Variants in KIFC2 observed in about 807,000 individuals in gnomAD.
KIFC2 encodes kinesin family member C2.
In KIFC2, 94 loss-of-function variants were observed where a neutral mutation model predicts 91.5. That is an observed-to-expected ratio of 1.03 (90% CI 0.87 to 1.22). The LOEUF (loss-of-function observed/expected upper bound fraction) is 1.22, where lower values mean the gene tolerates loss of function less well. Ranked by LOEUF, KIFC2 falls within the 50% of genes most tolerant of loss-of-function variation. The probability of loss-of-function intolerance (pLI) is 0.00; values close to 1 mark genes in which losing one functional copy is unlikely to be tolerated. For missense variants in KIFC2, 1,357 were observed against 1,103.3 expected, an observed-to-expected ratio of 1.23 and a Z score of -3.26; for synonymous variants, 729 against 503.9, an observed-to-expected ratio of 1.45 and a Z score of -5.98.
rs200246760 is a variant in KIFC2 at position 144,467,420 on chromosome 8, G to A, written c.470-65G>A. ...AGAACCTGGGCGGCCTGGAGTTCGGGGTCATGTTCCGGAAGATTTGGACTA... is the reference window on the plus strand; with the variant it reads ...AGAACCTGGGCGGCCTGGAGTTCGGAGTCATGTTCCGGAAGATTTGGACTA... On this transcript the variant is annotated intron_variant, in intron 4 of 17. Coordinates refer to ENST00000645548, the MANE Select transcript of KIFC2 (RefSeq NM_001369769.2). 5.7e-5 allele frequency: 88 copies of A among 1,542,638 alleles called. 1 individual carries two copies. Among genetic ancestry groups the A allele is most frequent in the Non-Finnish European group, 7.1e-5 (81 of 1,145,858 alleles).
Position 144,469,251 on chromosome 8 carries a change from G to A in KIFC2, c.1114-20G>A. Reference sequence around the variant, plus strand: ...CTCCTTGGCTGACCCCTTGCCTTCTGTACATCCCTGTTCCCTCAGGTGTCC... The same window carrying A: ...CTCCTTGGCTGACCCCTTGCCTTCTATACATCCCTGTTCCCTCAGGTGTCC... On this transcript the variant is annotated intron_variant, in intron 10 of 17. Transcript: ENST00000645548. 2 of 1,563,348 alleles carry A rather than the reference G, an allele frequency of 1.3e-6. No homozygotes were observed. Among genetic ancestry groups the A allele is most frequent in the South Asian group, 2.3e-5 (2 of 85,662 alleles).
Position 144,468,577 on chromosome 8 carries a change from C to CCTCCAGCAG in KIFC2, c.940_948dup (p.Leu314_Gln316dup). ...TGCAGCTGCAGGGCCTTCAAGGGGC[C>CCTCCAGCAG]CTCCAGCAGCTCCAGCAGGAGACGG... On this transcript the variant is annotated inframe_insertion, in exon 9 of 18. Transcript: ENST00000645548. 1 of 1,608,106 alleles carries CCTCCAGCAG rather than the reference C, an allele frequency of 6.2e-7. No individual in the cohort carries two copies. Among genetic ancestry groups the CCTCCAGCAG allele is most frequent in the Non-Finnish European group, 8.5e-7 (1 of 1,177,416 alleles).
Position 144,473,192 on chromosome 8 carries a change from G to C in KIFC2, c.2179G>C (p.Val727Leu). The change falls in exon 18 of 18, where the codon GTG becomes CTG. Residue 727 changes from valine to leucine, a missense_variant. Val to Leu is a conservative substitution (Grantham distance 32). Transcript: ENST00000645548. ...CTGCTCCCTCAAGTTCGCCGACCGA[G>C]TGGGTCAAGTGGAGCTGGGGCCAGC... ...TVCSLKFADR[V>L]GQVELGPARR... is the part of the protein sequence containing the mutation. 1 of 1,583,422 alleles carries C rather than the reference G, an allele frequency of 6.3e-7. No individual in the cohort carries two copies. Among genetic ancestry groups the C allele is most frequent in the Non-Finnish European group, 8.6e-7 (1 of 1,165,610 alleles).
Position 144,474,087 on chromosome 8 carries a change from G to A in KIFC2, c.*698G>A. The A allele has an allele frequency of 1.6e-6, 1 of 637,502 alleles. No individual in the cohort carries two copies. The highest frequency in any genetic ancestry group is 2.7e-6 in the Non-Finnish European group (1 of 370,800). The allele number at this position is 637,502 out of a possible 1,614,324, so 39.5% of individuals were successfully genotyped here. A position where few individuals can be genotyped will look rare whatever the true frequency, so the allele number is the denominator to read the frequency against. On this transcript the variant is annotated 3_prime_UTR_variant, in exon 18 of 18. Transcript: ENST00000645548. ...CCCAGCTGGGCCACGGCCATGCGTG[G>A]GGTGGCCCAATAAACACCGTGGACT...
At chr8:144,468,991 T>G (rs980352132) in intron 10 of KIFC2, among the ~76,000 whole-genome samples, 157 bp downstream of exon 10, 1 of 152,204 alleles carries the variant, frequency 6.6e-6, no homozygotes, top group African/African-American at 2.4e-5. Context: ...CTTCTGGGCC[T>G]TATTTTAATT....
intron 12 of KIFC2, among the ~76,000 whole-genome samples, chr8:144,470,122 A>G (rs1032104459): frequency 6.6e-6 from 1 of 152,208 alleles, no homozygotes; most frequent in Non-Finnish European, 1.5e-5. Flanking sequence ...TTGCTGCTAC[A>G]GCTCCCATAG....
In KIFC2 at chr8:144,474,049, G is replaced by A; in HGVS notation, c.*660G>A. The A allele has an allele frequency of 1.7e-6, 1 of 597,658 alleles. No individual in the cohort carries two copies. The highest frequency in any genetic ancestry group is 3.0e-6 in the Non-Finnish European group (1 of 337,540). 37.0% of individuals were successfully genotyped at this position (597,658 alleles called of 1,614,324 possible). A position where few individuals can be genotyped will look rare whatever the true frequency, so the allele number is the denominator to read the frequency against. On this transcript the variant is annotated 3_prime_UTR_variant, in exon 18 of 18. Coordinates refer to ENST00000645548, the MANE Select transcript of KIFC2 (RefSeq NM_001369769.2). ...AGGAAAAACAGGCATGACAGACCAGGGTGAGGGTTGTGCCCAGCTGGGCCA... is the reference window on the plus strand; with the variant it reads ...AGGAAAAACAGGCATGACAGACCAGAGTGAGGGTTGTGCCCAGCTGGGCCA...
chr8:144,472,277 G>A lies in KIFC2; in HGVS notation c.1607+18G>A. On this transcript the variant is annotated intron_variant, in intron 14 of 17. Transcript: ENST00000645548. ...GCTGTCAGGTGGGCTACTCCACCAG[G>A]GAGGCCTTCTCCCCACCCCTGGCCC... 6.2e-7 allele frequency: 1 copy of A among 1,613,346 alleles called. No individual in the cohort carries two copies. The highest frequency in any genetic ancestry group is 8.5e-7 in the Non-Finnish European group (1 of 1,179,972).
intron 12 of KIFC2, 47 bp from the exon 13 acceptor site, chr8:144,471,895 C>T: frequency 6.4e-7 from 1 of 1,567,342 alleles, no homozygotes; most frequent in South Asian, 1.1e-5. Flanking sequence ...AGGGCATAAA[C>T]AGGCAACGTG....
At position 144,467,198 on chromosome 8, in the gene KIFC2, C is replaced by T. The variant is rs1824696777; in HGVS notation, c.331-5C>T. 1.9e-6 allele frequency: 3 copies of T among 1,613,566 alleles called. No individual in the cohort carries two copies. Among genetic ancestry groups the T allele is most frequent in the South Asian group, 1.1e-5 (1 of 91,092 alleles). ...GCCCTGCTCGGATTCTTGTCTCCTT[C>T]GCAGTCTGGCGAGGTCCCCTCACTG... On this transcript the variant is annotated splice_polypyrimidine_tract_variant and splice_region_variant and intron_variant, in intron 3 of 17. Transcript: ENST00000645548.
chr8:144,473,050 A>C lies in KIFC2; in HGVS notation c.2117A>C (p.Gln706Pro). The C allele has an allele frequency of 1.4e-6, 2 of 1,422,182 alleles. No individual in the cohort carries two copies. Among genetic ancestry groups the C allele is most frequent in the Middle Eastern group, 2.5e-4 (1 of 3,996 alleles). The allele number at this position is 1,422,182 out of a possible 1,614,324, so 88.1% of individuals were successfully genotyped here. A position where few individuals can be genotyped will look rare whatever the true frequency, so the allele number is the denominator to read the frequency against. ...GPGTTAVLLL[Q>P]ISTRPEDLGE... ...GGCACCACCGCGGTGCTGCTGCTGCAGGTGGGCGCCGGGGCGGGGCAGGTG... is the reference window on the plus strand; with the variant it reads ...GGCACCACCGCGGTGCTGCTGCTGCCGGTGGGCGCCGGGGCGGGGCAGGTG... Residue 706 changes from glutamine (Q) to proline (P), a missense_variant and splice_region_variant, in exon 17 of 18, where the codon CAG becomes CCG. Gln to Pro is a moderately conservative substitution (Grantham distance 76). Transcript: ENST00000645548.
At chr8:144,469,674 T>TTTGCAGG in intron 12 of KIFC2, 27 bp downstream of exon 12, 1 of 1,559,736 alleles carries the variant, frequency 6.4e-7, no homozygotes, top group South Asian at 1.2e-5. Flanking sequence ...GCAGCCATCC[T>TTTGCAGG]GACCCTTTTT....
At position 144,473,901 on chromosome 8, in the gene KIFC2, G is replaced by T. The variant is rs898200689; in HGVS notation, c.*512G>T. ...CCACCACTGGGCTCTCCCTCCCCCA[G>T]CCTGGAGCACGGGAGGGGAGGTGAC... On this transcript the variant is annotated 3_prime_UTR_variant, in exon 18 of 18. Coordinates refer to ENST00000645548, the MANE Select transcript of KIFC2 (RefSeq NM_001369769.2). The T allele has an allele frequency of 2.4e-6, 1 of 419,778 alleles. No homozygotes were observed. The highest frequency in any genetic ancestry group is 4.3e-6 in the Non-Finnish European group (1 of 234,566). 26.0% of individuals were successfully genotyped at this position (419,778 alleles called of 1,614,324 possible).
intron 12 of KIFC2, chr8:144,470,445 C>T (rs767496236): frequency 6.6e-6 from 1 of 152,348 alleles, no homozygotes; most frequent in African/African-American, 2.4e-5. Context: ...AGCCCCTCAT[C>T]TGTGTTCCTG....
At chr8:144,470,175 G>C (rs1231547685) in intron 12 of KIFC2, among the ~76,000 whole-genome samples, 2 of 152,226 alleles carry the variant, frequency 1.3e-5, no homozygotes, top group Non-Finnish European at 2.9e-5. Context: ...CTAGGTAAGG[G>C]GCAGAATGGC....
At position 144,467,699 on chromosome 8, in the gene KIFC2, C is replaced by T; in HGVS notation, c.616-15C>T. 3.7e-6 allele frequency: 6 copies of T among 1,613,510 alleles called. No individual in the cohort carries two copies. The highest frequency in any genetic ancestry group is 2.2e-5 in the East Asian group (1 of 44,880). On this transcript the variant is annotated splice_polypyrimidine_tract_variant and intron_variant, in intron 5 of 17. Coordinates refer to ENST00000645548, the MANE Select transcript of KIFC2 (RefSeq NM_001369769.2). The stretch of plus-strand genomic sequence containing the variant: ...GAAAAAGGAGGTCCACCCTGTCTCT[C>T]TTACTTCTCCCCAGCTGGAGGAGCT...
chr8:144,473,092 C>A, intron 17 of KIFC2, 40 bp from the exon 18 acceptor site: 1 of 1,535,450 alleles, frequency 6.5e-7, no homozygotes. Flanking sequence ...TGCCGGTCGC[C>A]GCCCACCCGG....
Position 144,467,678 on chromosome 8 carries a change from AAGG to A in KIFC2, c.616-32_616-30del, listed in dbSNP as rs759128227. On this transcript the variant is annotated intron_variant, in intron 5 of 17. Coordinates refer to ENST00000645548, the MANE Select transcript of KIFC2 (RefSeq NM_001369769.2). The stretch of plus-strand genomic sequence containing the variant: ...GGATTGCCGGCTGGGACGCCAGAAA[AAGG>A]AGGTCCACCCTGTCTCTCTTACTTC... 3 of 1,608,672 alleles carry A rather than the reference AAGG, an allele frequency of 1.9e-6. No individual in the cohort carries two copies. The Admixed American group carries it at 5.1e-5, about 27-fold the overall frequency.
chr8:144,466,530 TG>T lies in KIFC2; in HGVS notation c.99+14del. The T allele has an allele frequency of 8.2e-7, 1 of 1,223,956 alleles. No homozygotes were observed. The highest frequency in any genetic ancestry group is 1.0e-6 in the Non-Finnish European group (1 of 969,092). The allele number at this position is 1,223,956 out of a possible 1,614,324, so 75.8% of individuals were successfully genotyped here. A position where few individuals can be genotyped will look rare whatever the true frequency, so the allele number is the denominator to read the frequency against. On this transcript the variant is annotated intron_variant, in intron 1 of 17. Coordinates refer to ENST00000645548, the MANE Select transcript of KIFC2 (RefSeq NM_001369769.2). ...GGGACCCCGCCCAGGTGAGCGGGGC[TG>T]GCCGTGCAGCCCGTCGTCTCCCGCC...
Sources: allele counts gnomAD v4.1 joint callset (sites outside exome capture counted in the v4.1 genomes callset), GRCh38; gene constraint gnomAD v4.1.1; transcripts MANE v1.5; gene names NCBI Gene and HGNC (gene_info 2026-07-23, HGNC 2026-07-21).